HECW1: variants seen among roughly 807,000 people sequenced by gnomAD.
HECW1 encodes the protein E3 ubiquitin-protein ligase HECW1.
A neutral mutation model predicts 182.3 loss-of-function variants in HECW1; 61 were observed. The observed-to-expected ratio is 0.33, with a 90% CI of 0.27 to 0.41. The LOEUF (loss-of-function observed/expected upper bound fraction) is 0.41. Among genes scored for constraint, HECW1 ranks in the 10% least tolerant of loss-of-function variants. HECW1 has a pLI of 1.00. For synonymous variants in HECW1, 859 were observed against 832.6 expected, an observed-to-expected ratio of 1.03 and a Z score of -0.55; for missense variants, 1,739 against 2,108.9, an observed-to-expected ratio of 0.82 and a Z score of 3.44.
chr7:43,488,476 GAAAGAAAGAAAGAGAA>G (rs1204291099), intron 17 of HECW1, among the ~76,000 whole-genome samples: 5 of 147,506 alleles, frequency 3.4e-5, no homozygotes, highest in African/African-American at 1.3e-4. Flanking sequence ...AAGAAAGAAA[GAAAGAAAGAAAGAGAA>G]AGAAAGAAAG....
chr7:43,367,454 T>C (rs1175402153), intron 6 of HECW1, among the ~76,000 whole-genome samples: 1 of 152,230 alleles, frequency 6.6e-6, no homozygotes, highest in Non-Finnish European at 1.5e-5. Context: ...GAAGAAGTTA[T>C]ACAGTACAAT....
intron 13 of HECW1, among the ~76,000 whole-genome samples, chr7:43,460,630 C>T (rs1310433615): frequency 6.6e-6 from 1 of 152,000 alleles, no homozygotes. Context: ...CATTAGCCCT[C>T]TATCTATTAT....
chr7:43,516,965 G>T (rs2080181356), intron 24 of HECW1, among the ~76,000 whole-genome samples: 1 of 152,160 alleles, frequency 6.6e-6, no homozygotes, highest in Admixed American at 6.5e-5. Context: ...GATAAGAAAT[G>T]GTACACCTGT....
chr7:43,158,003 C>G (rs1790080926), intron 2 of HECW1, among the ~76,000 whole-genome samples: 1 of 152,200 alleles, frequency 6.6e-6, no homozygotes. Context: ...ACTCATGTAT[C>G]TTAGCTTTAA....
chr7:43,167,077 A>T (rs1791209320), intron 2 of HECW1, among the ~76,000 whole-genome samples: 1 of 152,210 alleles, frequency 6.6e-6, no homozygotes, highest in South Asian at 2.1e-4. Flanking sequence ...ATAACAACTT[A>T]TCACAAACTT....
intron 5 of HECW1, among the ~76,000 whole-genome samples, chr7:43,345,380 A>T (rs1813544510): frequency 6.6e-6 from 1 of 152,142 alleles, no homozygotes; most frequent in African/African-American, 2.4e-5. Context: ...CTCTTATCAG[A>T]AGAAAGTTAC....
chr7:43,379,972 C>T (rs1330681515), intron 6 of HECW1, among the ~76,000 whole-genome samples: 1 of 152,222 alleles, frequency 6.6e-6, no homozygotes, highest in Admixed American at 6.5e-5. Flanking sequence ...TGGCACACAG[C>T]AGACGGCCCA....
chr7:43,285,495 C>T (rs1804522163), intron 3 of HECW1, among the ~76,000 whole-genome samples: 1 of 152,090 alleles, frequency 6.6e-6, no homozygotes, highest in African/African-American at 2.4e-5. Flanking sequence ...GGAGTGCAGT[C>T]GGGAATGAGC....
At chr7:43,481,554 G>C (rs2078434245) in intron 17 of HECW1, among the ~76,000 whole-genome samples, 1 of 152,146 alleles carries the variant, frequency 6.6e-6, no homozygotes, top group Non-Finnish European at 1.5e-5. Context: ...TGAAACCATG[G>C]ACACCACTTG....
intron 5 of HECW1, among the ~76,000 whole-genome samples, chr7:43,336,144 T>TC (rs1812211759): frequency 2.7e-4 from 14 of 51,982 alleles, no homozygotes; most frequent in East Asian, 5.3e-4. Context: ...CTCTCTCTCT[T>TC]TCTCTCTCTC....
At chr7:43,489,509 AC>A (rs1400505361) in intron 17 of HECW1, among the ~76,000 whole-genome samples, 1 of 152,220 alleles carries the variant, frequency 6.6e-6, no homozygotes, top group Non-Finnish European at 1.5e-5. Flanking sequence ...CAGCTTCTAA[AC>A]CCTGGTGTCT....
chr7:43,212,527 C>A (rs1019305677), intron 2 of HECW1, among the ~76,000 whole-genome samples: 1 of 151,934 alleles, frequency 6.6e-6, no homozygotes, highest in African/African-American at 2.4e-5. Context: ...TCCTCAAAAC[C>A]AAATCATATG....
intron 2 of HECW1, among the ~76,000 whole-genome samples, chr7:43,158,857 C>T (rs1275807652): frequency 1.3e-5 from 2 of 152,156 alleles, no homozygotes; most frequent in African/African-American, 4.8e-5. Context: ...CTAGTTCCTC[C>T]TAGGACCCTG....
chr7:43,525,680 G>A (rs539402957), intron 24 of HECW1, among the ~76,000 whole-genome samples: 8 of 152,186 alleles, frequency 5.3e-5, no homozygotes, highest in South Asian at 2.1e-4. Flanking sequence ...TCTCAGGATC[G>A]GAGAAGGGGG....
At chr7:43,152,344 A>C (rs959181735) in intron 2 of HECW1, among the ~76,000 whole-genome samples, 5 of 152,232 alleles carry the variant, frequency 3.3e-5, no homozygotes, top group African/African-American at 1.2e-4. Context: ...ATGTATTTTG[A>C]AACTATGTAT....
chr7:43,387,414 A>C (rs2074844438), intron 6 of HECW1, among the ~76,000 whole-genome samples: 1 of 152,136 alleles, frequency 6.6e-6, no homozygotes, highest in East Asian at 1.9e-4. Flanking sequence ...GGAGAAAGTA[A>C]GTTTTAAATA....
intron 17 of HECW1, among the ~76,000 whole-genome samples, chr7:43,485,892 G>A (rs1200385152): frequency 1.3e-5 from 2 of 152,172 alleles, no homozygotes; most frequent in Middle Eastern, 3.4e-3. Context: ...AAGTTCTGGG[G>A]TACATGTTTA....
intron 3 of HECW1, among the ~76,000 whole-genome samples, chr7:43,297,665 C>T (rs1806212084): frequency 1.3e-5 from 2 of 152,204 alleles, no homozygotes; most frequent in African/African-American, 4.8e-5. Flanking sequence ...CTGAAAAATA[C>T]AGCTGCATTG....
intron 2 of HECW1, among the ~76,000 whole-genome samples, chr7:43,187,759 A>G (rs1424977722): frequency 1.3e-5 from 2 of 152,118 alleles, no homozygotes; most frequent in African/African-American, 4.8e-5. Flanking sequence ...ATTCGACCAA[A>G]TAGGTTCTGA....
Sources: allele counts gnomAD v4.1 joint callset (sites outside exome capture counted in the v4.1 genomes callset), GRCh38; gene constraint gnomAD v4.1.1; transcripts MANE v1.5; gene names NCBI Gene and HGNC (gene_info 2026-07-23, HGNC 2026-07-21).